Variants in ACTN1 observed in about 807,000 individuals in gnomAD.
ACTN1 encodes the protein actinin alpha 1, also known as alpha-actinin-1.
In ACTN1, 30 loss-of-function variants were observed where a neutral mutation model predicts 119.6. The ratio of observed to expected loss-of-function variants is 0.25; its 90% CI spans 0.19 to 0.34. The LOEUF is 0.34. Ranked by LOEUF, ACTN1 falls within the 10% of genes least tolerant of loss-of-function variation. The pLI is 1.00. For missense variants in ACTN1, 764 were observed against 1,223.4 expected, an observed-to-expected ratio of 0.62 and a Z score of 5.60; for synonymous variants, 429 against 472.6, an observed-to-expected ratio of 0.91 and a Z score of 1.20.
chr14:68,875,499 T>C (rs1232673315), intron 21 of ACTN1, among the ~76,000 whole-genome samples: 2 of 152,260 alleles, frequency 1.3e-5, no homozygotes, highest in Admixed American at 6.5e-5. Flanking sequence ...TTCCCAAATA[T>C]GGCCAGGCTA....
chr14:68,936,748 T>C, intron 1 of ACTN1: 1 of 624,648 alleles, frequency 1.6e-6, no homozygotes, highest in Non-Finnish European at 3.1e-6. Flanking sequence ...CAGTTTCTGG[T>C]GCTGAAGAAA....
rs1455124572 is a variant in ACTN1 at position 68,880,779 on chromosome 14, C to T, written c.2133+31G>A. The T allele has an allele frequency of 2.5e-6, 4 of 1,607,992 alleles. No individual in the cohort carries two copies. The African/African-American group carries it at 4.0e-5, about 16-fold the overall frequency. On this transcript the variant is annotated intron_variant, in intron 17 of 21. Coordinates refer to ENST00000394419, the MANE Select transcript of ACTN1 (RefSeq NM_001130004.2). This position sits in a 1 kb window ranked among gnomAD's most constrained non-coding sequence, Gnocchi z 4.6. ...GAAAGAGCAGAAGGGGCCACGGGCT[C>T]CCGAAGAGGAACAAGGCCAGCCCCA...
At position 68,884,218 on chromosome 14, in the gene ACTN1, T is replaced by C. The variant is rs564524574; in HGVS notation, c.1585A>G (p.Met529Val). 4 of 1,614,122 alleles carry C rather than the reference T, an allele frequency of 2.5e-6. No individual in the cohort carries two copies. The highest frequency in any genetic ancestry group is 1.7e-5 in the Admixed American group (1 of 60,022). ...APFNNWMEGA[M>V]EDLQDTFIVH... ...ATGAAGGTGTCCTGCAGGTCCTCCA[T>C]GGCCCCCTCCATCCAGTTGTTGAAG... Residue 529 changes from methionine to valine, a missense_variant, in exon 14 of 22, where the codon ATG (methionine) becomes GTG (valine). By Grantham distance (21) the Met-to-Val change is conservative. This residue lies in a region of ACTN1 where 544 missense variants were observed against 912.0 expected (regional missense o/e 0.60). Transcript: ENST00000394419.
rs760561364 is a variant in ACTN1, at chr14:68,878,971, C to T, written c.2361+18G>A. ...CCAGACGCCACCCCTGAGCGTGCTC[C>T]ATGCAGGAGGCGAGTACCTGGGGGT... is the stretch of plus-strand genomic sequence containing the variant. On this transcript the variant is annotated intron_variant, in intron 19 of 21. Coordinates refer to ENST00000394419, the MANE Select transcript of ACTN1 (RefSeq NM_001130004.2). The surrounding 1 kb of genome is among the most constrained non-coding windows in gnomAD (Gnocchi z 4.4). 1 of 1,613,152 alleles carries T rather than the reference C, an allele frequency of 6.2e-7. No homozygotes were observed. Among genetic ancestry groups the T allele is most frequent in the Non-Finnish European group, 8.5e-7 (1 of 1,179,822 alleles).
chr14:68,973,695 C>T (rs992203821), intron 1 of ACTN1: 6 of 152,260 alleles, frequency 3.9e-5, no homozygotes, highest in South Asian at 4.1e-4. Flanking sequence ...CCTGTCCCTA[C>T]TACTCCTAAG....
At chr14:68,972,688 G>C (rs1265819105) in intron 1 of ACTN1, among the ~76,000 whole-genome samples, 1 of 152,204 alleles carries the variant, frequency 6.6e-6, no homozygotes, top group Non-Finnish European at 1.5e-5. Context: ...TGTATAAGCG[G>C]CAGAGCAAAG....
Position 68,884,835 on chromosome 14 carries a change from C to A in ACTN1, c.1434G>T (p.Lys478Asn), listed in dbSNP as rs373413002. The A allele has an allele frequency of 2.5e-6, 4 of 1,614,216 alleles. No homozygotes were observed. In the South Asian group the frequency reaches 4.4e-5, roughly 18 times the overall value. The change falls in exon 13 of 22, where the codon AAG becomes AAT. Residue 478 changes from lysine (K) to asparagine (N), a missense_variant. Lys to Asn is a moderately conservative substitution (Grantham distance 94, BLOSUM62 0). This residue lies in a region of ACTN1 where 544 missense variants were observed against 912.0 expected (regional missense o/e 0.60). Transcript: ENST00000394419. ...CCAGATTGTCCCACTGGTCACAGAT[C>A]TTTTGGCAACGGGCGTTGACACTGG... is the stretch of plus-strand genomic sequence containing the variant. The part of the protein sequence containing the change: ...DSPSVNARCQ[K>N]ICDQWDNLGA...
intron 1 of ACTN1, among the ~76,000 whole-genome samples, chr14:68,967,791 C>T (rs899790847): frequency 5.3e-5 from 8 of 152,306 alleles, no homozygotes; most frequent in South Asian, 4.1e-4. Context: ...ATGGTCCTGG[C>T]GGAGTGGGGC....
At chr14:68,953,941 T>A (rs1319253973) in intron 1 of ACTN1, among the ~76,000 whole-genome samples, 1 of 151,468 alleles carries the variant, frequency 6.6e-6, no homozygotes, top group African/African-American at 2.4e-5. Context: ...TGAAGAGGAA[T>A]GATGCTTCAG....
chr14:68,915,751 C>G (rs1486050620), intron 3 of ACTN1, among the ~76,000 whole-genome samples: 1 of 152,220 alleles, frequency 6.6e-6, no homozygotes, highest in Non-Finnish European at 1.5e-5. Flanking sequence ...CGCAGTGGCT[C>G]ACACCTGAAA....
rs2031593126 is a variant in ACTN1 at position 68,882,147 on chromosome 14, G to T, written c.1953+311C>A. Among the ~76,000 whole-genome samples the T allele has an allele frequency of 6.6e-6, 1 of 151,974 alleles. No homozygotes were observed. The highest frequency in any genetic ancestry group is 1.5e-5 in the Non-Finnish European group (1 of 67,990). On this transcript the variant is annotated intron_variant, in intron 16 of 21. Coordinates refer to ENST00000394419, the MANE Select transcript of ACTN1 (RefSeq NM_001130004.2). The surrounding 1 kb of genome is among the most constrained non-coding windows in gnomAD (Gnocchi z 4.5). ...GACGGGGTTTCACCATGTTGGCCAG[G>T]CTGGTCTCGAACTCCTGACCTCAGG... is the stretch of plus-strand genomic sequence containing the variant.
intron 1 of ACTN1, among the ~76,000 whole-genome samples, chr14:68,951,223 G>T (rs887203564): frequency 6.6e-6 from 1 of 152,212 alleles, no homozygotes; most frequent in Non-Finnish European, 1.5e-5. Context: ...GGTTTCCCCG[G>T]AAGGAAGTGA....
Position 68,882,245 on chromosome 14 carries a change from T to C in ACTN1, c.1953+213A>G, listed in dbSNP as rs1015144074. On this transcript the variant is annotated intron_variant, in intron 16 of 21. Coordinates refer to ENST00000394419, the MANE Select transcript of ACTN1 (RefSeq NM_001130004.2). This position sits in a 1 kb window ranked among gnomAD's most constrained non-coding sequence, Gnocchi z 4.5. ...GCCCACAGGCAGCTTCTTAGTGGTG[T>C]CCTCATATGTCTTTGCTCCCAAATC... is the stretch of plus-strand genomic sequence containing the variant. Among the ~76,000 whole-genome samples the C allele has an allele frequency of 6.6e-6, 1 of 152,150 alleles. No homozygotes were observed. Among genetic ancestry groups the C allele is most frequent in the Non-Finnish European group, 1.5e-5 (1 of 68,026 alleles).
intron 2 of ACTN1, among the ~76,000 whole-genome samples, chr14:68,924,516 AG>A (rs1417630475): frequency 6.6e-6 from 1 of 152,348 alleles, no homozygotes; most frequent in African/African-American, 2.4e-5. Context: ...GGATTCCATA[AG>A]CTATGCTAAG....
At chr14:68,896,994 G>GT (rs1425075844) in intron 8 of ACTN1, among the ~76,000 whole-genome samples, 1 of 151,900 alleles carries the variant, frequency 6.6e-6, no homozygotes, top group African/African-American at 2.4e-5. Flanking sequence ...TTGTTTTTTT[G>GT]TTTTTTGAGA....
chr14:68,917,177 T>C (rs1024245948), intron 3 of ACTN1, among the ~76,000 whole-genome samples: 3 of 152,198 alleles, frequency 2.0e-5, no homozygotes, highest in Non-Finnish European at 4.4e-5. Flanking sequence ...CCAAATATCG[T>C]AGGGGAGACC....
intron 1 of ACTN1, chr14:68,978,062 G>A (rs2037128051): frequency 2.2e-6 from 1 of 455,610 alleles, no homozygotes; most frequent in Admixed American, 2.4e-5. Flanking sequence ...CGCCAGCTCC[G>A]AGCCCAGCTC....
intron 1 of ACTN1, among the ~76,000 whole-genome samples, chr14:68,935,490 A>G (rs939176772): frequency 1.2e-4 from 18 of 145,320 alleles, no homozygotes; most frequent in African/African-American, 4.7e-4. Context: ...GGTTCAAGCA[A>G]TTCTCCTGCC....
intron 1 of ACTN1, among the ~76,000 whole-genome samples, chr14:68,966,223 T>TA (rs1186658599): frequency 5.3e-5 from 8 of 151,932 alleles, no homozygotes; most frequent in Non-Finnish European, 8.8e-5. Flanking sequence ...TCTCAAAAAA[T>TA]AAAAAAGTAA....
Sources: allele counts gnomAD v4.1 joint callset (sites outside exome capture counted in the v4.1 genomes callset), GRCh38; gene constraint gnomAD v4.1.1; regional missense constraint gnomAD v4.1.1; non-coding constraint Gnocchi (gnomAD v3.1); transcripts MANE v1.5; gene names NCBI Gene and HGNC (gene_info 2026-07-23, HGNC 2026-07-21).